Variants in SYNDIG1 observed in about 807,000 individuals in gnomAD.
SYNDIG1 encodes synapse differentiation inducing 1.
In SYNDIG1, 9 loss-of-function variants were observed where a neutral mutation model predicts 19.4. That is an observed-to-expected ratio of 0.46 (90% CI 0.28 to 0.81). The LOEUF is 0.81. Ranked by LOEUF, SYNDIG1 falls within the 30% of genes least tolerant of loss-of-function variation. The pLI is 0.12. For synonymous variants in SYNDIG1, 141 were observed against 145.9 expected (o/e 0.97, Z 0.24); for missense variants, 311 against 343.3 (o/e 0.91, Z 0.74).
At chr20:24,627,158 AGAGCG>A (rs1259549216) in intron 3 of SYNDIG1, among the ~76,000 whole-genome samples, 2 of 142,008 alleles carry the variant, frequency 1.4e-5, no homozygotes, top group East Asian at 3.9e-4. Flanking sequence ...AGGGAGAGCG[AGAGCG>A]AGAGCGAGAG....
chr20:24,542,287 C>T (rs545760496), intron 1 of SYNDIG1, among the ~76,000 whole-genome samples: 2 of 152,236 alleles, frequency 1.3e-5, no homozygotes, highest in Non-Finnish European at 1.5e-5. Context: ...GTTCAGCAGG[C>T]CAAAATGTGC....
intron 1 of SYNDIG1, among the ~76,000 whole-genome samples, chr20:24,502,014 G>A (rs13042904): frequency 0.32 from 48,330 of 152,226 alleles, 8,555 homozygotes; most frequent in Middle Eastern, 0.45. Flanking sequence ...GGCCAGTGGC[G>A]GGCAGGACGT....
chr20:24,587,828 A>G (rs1793738890), intron 3 of SYNDIG1, among the ~76,000 whole-genome samples: 1 of 152,210 alleles, frequency 6.6e-6, no homozygotes, highest in Admixed American at 6.5e-5. Context: ...AATCTTTGAC[A>G]TCTAAGTGTG....
At chr20:24,514,104 T>C (rs1040933209) in intron 1 of SYNDIG1, among the ~76,000 whole-genome samples, 6 of 152,168 alleles carry the variant, frequency 3.9e-5, no homozygotes, top group Admixed American at 3.9e-4. Flanking sequence ...AGGCCTGCCT[T>C]ACAAGAGTTC....
intron 3 of SYNDIG1, among the ~76,000 whole-genome samples, chr20:24,603,824 T>C (rs2058713879): frequency 1.3e-5 from 2 of 152,208 alleles, no homozygotes; most frequent in African/African-American, 4.8e-5. Context: ...GGGGTCACAG[T>C]GGATACCTGC....
intron 1 of SYNDIG1, among the ~76,000 whole-genome samples, chr20:24,512,073 G>A (rs1038891083): frequency 7.0e-6 from 1 of 142,268 alleles, no homozygotes; most frequent in African/African-American, 2.7e-5. Flanking sequence ...ACTGATATAG[G>A]AGAATGGCAG....
chr20:24,657,929 C>T (rs1335616760), intron 3 of SYNDIG1, among the ~76,000 whole-genome samples: 1 of 152,122 alleles, frequency 6.6e-6, no homozygotes, highest in Non-Finnish European at 1.5e-5. Flanking sequence ...AATACATTTC[C>T]AGATAAATAG....
Position 24,522,483 on chromosome 20 carries a change from T to C in SYNDIG1, c.-78-20537T>C, listed in dbSNP as rs531181379. 4.6e-4 allele frequency among the ~76,000 whole-genome samples: 70 copies of C among 152,310 alleles called. 1 individual carries two copies. The highest frequency in any genetic ancestry group is 1.7e-3 in the African/African-American group (69 of 41,572). Reference sequence around the variant, plus strand: ...GAGATTAGTTCACTTAAGGTTAGAATTTAGTTCACTTACACTACTGCCTAT... The same window carrying C: ...GAGATTAGTTCACTTAAGGTTAGAACTTAGTTCACTTACACTACTGCCTAT... On this transcript the variant is annotated intron_variant, in intron 1 of 3. Transcript: ENST00000376862.
rs868634534 is a variant in SYNDIG1 at position 24,497,857 on chromosome 20, T to G, written c.-79+28104T>G. On this transcript the variant is annotated intron_variant, in intron 1 of 3. Coordinates refer to ENST00000376862, the MANE Select transcript of SYNDIG1 (RefSeq NM_024893.3). ...CACTATTCTGGTTTTATATGTGATC[T>G]GTGGATCCACTTCTGCCTGAAGGAG... Among the ~76,000 whole-genome samples, 4 of 152,358 alleles carry G rather than the reference T, an allele frequency of 2.6e-5. No homozygotes were observed. In the Middle Eastern group the frequency reaches 0.01, roughly 389 times the overall value.
chr20:24,571,783 CACAG>C (rs1396926894), intron 2 of SYNDIG1, among the ~76,000 whole-genome samples: 3 of 152,210 alleles, frequency 2.0e-5, no homozygotes, highest in Admixed American at 6.5e-5. Context: ...TTTGGTTTTA[CACAG>C]AGGCAACCTT....
chr20:24,646,626 A>AT (rs780443485), intron 3 of SYNDIG1, among the ~76,000 whole-genome samples: 2,943 of 145,918 alleles, frequency 0.02, 37 homozygotes, highest in African/African-American at 0.035. Flanking sequence ...GATGCTCAGT[A>AT]TTTTTTTTTT....
chr20:24,546,146 A>G (rs536112599), intron 2 of SYNDIG1, among the ~76,000 whole-genome samples: 1 of 152,334 alleles, frequency 6.6e-6, no homozygotes, highest in East Asian at 1.9e-4. Flanking sequence ...TCTGAAAACA[A>G]AGATTTTCTC....
At chr20:24,647,325 C>T (rs1438101243) in intron 3 of SYNDIG1, among the ~76,000 whole-genome samples, 3 of 152,118 alleles carry the variant, frequency 2.0e-5, no homozygotes, top group Non-Finnish European at 4.4e-5. Flanking sequence ...AAACCTGTTT[C>T]CCTGGAGCTG....
chr20:24,547,490 T>A (rs2057603433), intron 2 of SYNDIG1, among the ~76,000 whole-genome samples: 1 of 152,118 alleles, frequency 6.6e-6, no homozygotes, highest in Non-Finnish European at 1.5e-5. Context: ...GGCTTGACAT[T>A]AGACAGGTAG....
intron 1 of SYNDIG1, among the ~76,000 whole-genome samples, chr20:24,525,359 T>C (rs1386082402): frequency 6.6e-6 from 1 of 150,398 alleles, no homozygotes; most frequent in African/African-American, 2.5e-5. Context: ...TGGCACGATC[T>C]TGGCTCACTG....
intron 3 of SYNDIG1, among the ~76,000 whole-genome samples, chr20:24,646,498 C>A (rs1242542156): frequency 6.6e-6 from 1 of 152,132 alleles, no homozygotes; most frequent in Non-Finnish European, 1.5e-5. Flanking sequence ...TTAGAAAGAG[C>A]CTGGCACACC....
chr20:24,652,091 A>T (rs2059479352), intron 3 of SYNDIG1, among the ~76,000 whole-genome samples: 1 of 152,236 alleles, frequency 6.6e-6, no homozygotes, highest in Non-Finnish European at 1.5e-5. Flanking sequence ...CTTTGGAACC[A>T]TTTGTTACCA....
At chr20:24,619,842 G>A (rs1027767445) in intron 3 of SYNDIG1, among the ~76,000 whole-genome samples, 39 of 152,310 alleles carry the variant, frequency 2.6e-4, no homozygotes, top group African/African-American at 9.1e-4. Context: ...TCAGGGTTCT[G>A]TATCTTCCAT....
chr20:24,542,077 C>G (rs544537150), intron 1 of SYNDIG1, among the ~76,000 whole-genome samples: 1 of 152,090 alleles, frequency 6.6e-6, no homozygotes, highest in African/African-American at 2.4e-5. Context: ...AAAGAGATAT[C>G]GAAGGATGCG....
Sources: allele counts gnomAD v4.1 joint callset (sites outside exome capture counted in the v4.1 genomes callset), GRCh38; gene constraint gnomAD v4.1.1; transcripts MANE v1.5; gene names NCBI Gene and HGNC (gene_info 2026-07-23, HGNC 2026-07-21).